Variants in CSMD2 observed in about 807,000 individuals in gnomAD.
The protein encoded by CSMD2 is CUB and sushi domain-containing protein 2.
A neutral mutation model predicts 398.5 loss-of-function variants in CSMD2; 130 were observed. That is an observed-to-expected ratio of 0.33 (90% CI 0.28 to 0.38). CSMD2 has a LOEUF of 0.38. CSMD2 is among the 10% of genes least tolerant of loss of function. The pLI, the probability that CSMD2 is intolerant of heterozygous loss-of-function variation, is 1.00. For missense variants in CSMD2, 3,829 were observed against 4,764.9 expected (o/e 0.80, Z 5.78); for synonymous variants, 1,828 against 1,908.5 (o/e 0.96, Z 1.10).
At chr1:33,980,038 C>T (rs994956580) in intron 3 of CSMD2, among the ~76,000 whole-genome samples, 1 of 152,116 alleles carries the variant, frequency 6.6e-6, no homozygotes, top group African/African-American at 2.4e-5. Flanking sequence ...GAACAAGTGT[C>T]CTGGAACCAG....
chr1:33,747,313 C>A (rs754052073), intron 13 of CSMD2, among the ~76,000 whole-genome samples: 1 of 152,162 alleles, frequency 6.6e-6, no homozygotes, highest in Non-Finnish European at 1.5e-5. Context: ...AGACGTTATT[C>A]CTGCCCAAAC....
chr1:33,519,792 G>A lies in CSMD2; in HGVS notation c.10736+20C>T. 6.2e-7 allele frequency: 1 copy of A among 1,613,422 alleles called. No individual in the cohort carries two copies. The highest frequency in any genetic ancestry group is 8.5e-7 in the Non-Finnish European group (1 of 1,179,570). On this transcript the variant is annotated intron_variant, in intron 69 of 70. Transcript: ENST00000373381. This position sits in a 1 kb window ranked among gnomAD's most constrained non-coding sequence, Gnocchi z 5.6. ...GGGAGGCCTGCCTGATGCCCGCCCTGCCTCCTTCCTGCACGGTACCTGTGC... is the reference window on the plus strand; with the variant it reads ...GGGAGGCCTGCCTGATGCCCGCCCTACCTCCTTCCTGCACGGTACCTGTGC...
chr1:33,767,254 GT>G (rs1301383160), intron 13 of CSMD2, among the ~76,000 whole-genome samples: 1 of 152,208 alleles, frequency 6.6e-6, no homozygotes, highest in Non-Finnish European at 1.5e-5. Flanking sequence ...CATAACATAT[GT>G]GTATAGATGG....
At chr1:33,562,991 G>A (rs555769468) in intron 53 of CSMD2, among the ~76,000 whole-genome samples, 9 of 152,030 alleles carry the variant, frequency 5.9e-5, no homozygotes, top group Non-Finnish European at 1.2e-4. Flanking sequence ...TATTTGTTCT[G>A]TTTCTCTGGA....
Position 33,533,590 on chromosome 1 carries a change from G to T in CSMD2, c.9991+206C>A, listed in dbSNP as rs910253615. ...CACTGGATAGTTTTTTCTTTGCTAA[G>T]GCATAGGGATTGCCTTCCAATATCA... On this transcript the variant is annotated intron_variant, in intron 63 of 70. Transcript: ENST00000373381. The surrounding 1 kb of genome is among the most constrained non-coding windows in gnomAD (Gnocchi z 4.2). Among the ~76,000 whole-genome samples, 1 of 152,202 alleles carries T rather than the reference G, an allele frequency of 6.6e-6. No individual in the cohort carries two copies. Among genetic ancestry groups the T allele is most frequent in the Non-Finnish European group, 1.5e-5 (1 of 68,030 alleles).
chr1:33,910,051 T>C (rs1318267045), intron 5 of CSMD2, among the ~76,000 whole-genome samples: 1 of 152,210 alleles, frequency 6.6e-6, no homozygotes, highest in Admixed American at 6.5e-5. Context: ...TACCCCTTCA[T>C]AGCTGCCTCA....
Position 33,542,705 on chromosome 1 carries a change from G to A in CSMD2, c.9277+15C>T, listed in dbSNP as rs111372791. The A allele has an allele frequency of 1.2e-5, 19 of 1,609,596 alleles. No individual in the cohort carries two copies. The African/African-American group carries it at 2.4e-4, about 20-fold the overall frequency. On this transcript the variant is annotated intron_variant, in intron 58 of 70. Transcript: ENST00000373381. ...CCACTGTTGGCCATGGAACCCGTAG[G>A]GCCTGAGCTCTCACCGAGGCACTCA... is the stretch of plus-strand genomic sequence containing the variant.
At chr1:33,809,381 A>G (rs1656596080) in intron 10 of CSMD2, among the ~76,000 whole-genome samples, 1 of 152,078 alleles carries the variant, frequency 6.6e-6, no homozygotes, top group African/African-American at 2.4e-5. Flanking sequence ...AATATTTGCT[A>G]TACTAAGAGA....
At chr1:34,030,576 T>C (rs1248645402) in intron 3 of CSMD2, among the ~76,000 whole-genome samples, 2 of 152,230 alleles carry the variant, frequency 1.3e-5, no homozygotes, top group Non-Finnish European at 2.9e-5. Flanking sequence ...ACAGACCTCC[T>C]GTTGCCCAAC....
chr1:34,148,632 G>C (rs145654963), intron 1 of CSMD2, among the ~76,000 whole-genome samples: 1 of 152,184 alleles, frequency 6.6e-6, no homozygotes, highest in Non-Finnish European at 1.5e-5. Context: ...CAGGACAAAG[G>C]GGCAGGAGAG....
intron 25 of CSMD2, among the ~76,000 whole-genome samples, chr1:33,666,970 G>A (rs1002623650): frequency 5.9e-5 from 9 of 152,146 alleles, no homozygotes; most frequent in Non-Finnish European, 1.3e-4. Context: ...TGCTTTCTTT[G>A]GATTTAATAA....
At chr1:33,571,230 C>A (rs1000761225) in intron 51 of CSMD2, among the ~76,000 whole-genome samples, 4 of 152,146 alleles carry the variant, frequency 2.6e-5, no homozygotes, top group African/African-American at 9.7e-5. Flanking sequence ...TATCTTCAAA[C>A]CTCTACAGTG....
rs1157125326 is a variant in CSMD2, at chr1:33,707,691, GCGCGCACACACACACACACACA to G, written c.3576+1376_3576+1397del. Among the ~76,000 whole-genome samples the G allele has an allele frequency of 6.8e-3, 388 of 56,876 alleles. 4 individuals are homozygous for G. The highest frequency in any genetic ancestry group is 0.018 in the African/African-American group (374 of 21,194). 37.3% of individuals were successfully genotyped at this position (56,876 alleles called of 152,430 possible). ...AACACGCACGCGTGCACACGCGCGC[GCGCGCACACACACACACACACA>G]CACACACACACACACACACACACAC... On this transcript the variant is annotated intron_variant, in intron 22 of 70. Coordinates refer to ENST00000373381, the MANE Select transcript of CSMD2 (RefSeq NM_001281956.2).
At chr1:34,042,849 G>A (rs1303990625) in intron 2 of CSMD2, among the ~76,000 whole-genome samples, 2 of 152,074 alleles carry the variant, frequency 1.3e-5, no homozygotes, top group African/African-American at 2.4e-5. Context: ...GTGCAGTGGC[G>A]TGATCTCGGC....
chr1:34,053,721 T>C (rs1446935373), intron 2 of CSMD2, among the ~76,000 whole-genome samples: 1 of 152,238 alleles, frequency 6.6e-6, no homozygotes, highest in African/African-American at 2.4e-5. Flanking sequence ...TGCACTATTA[T>C]CATCTTTATT....
At chr1:33,909,080 A>C (rs1220436564) in intron 5 of CSMD2, among the ~76,000 whole-genome samples, 1 of 152,212 alleles carries the variant, frequency 6.6e-6, no homozygotes, top group Non-Finnish European at 1.5e-5. Flanking sequence ...AGCTCAGCCA[A>C]CATGGGTTCA....
intron 2 of CSMD2, among the ~76,000 whole-genome samples, chr1:34,060,892 G>T (rs1253139794): frequency 6.6e-6 from 1 of 152,038 alleles, no homozygotes; most frequent in East Asian, 1.9e-4. Context: ...CCCTAGCCAT[G>T]CTTCTGCCTG....
rs533786592 is a variant in CSMD2, at chr1:33,530,805, C to A, written c.10171+2245G>T. On this transcript the variant is annotated intron_variant, in intron 64 of 70. Coordinates refer to ENST00000373381, the MANE Select transcript of CSMD2 (RefSeq NM_001281956.2). Reference sequence around the variant, plus strand: ...CTGCCATTTGTGACCACAGGGATAACCTGGAGGACATTATGTTAAGTGAAA... The same window carrying A: ...CTGCCATTTGTGACCACAGGGATAAACTGGAGGACATTATGTTAAGTGAAA... Among the ~76,000 whole-genome samples, 109 of 152,218 alleles carry A rather than the reference C, an allele frequency of 7.2e-4. 1 individual carries two copies. The highest frequency in any genetic ancestry group is 2.5e-3 in the African/African-American group (104 of 41,534).
intron 5 of CSMD2, chr1:33,861,341 A>G (rs920313232): frequency 3.9e-5 from 6 of 152,142 alleles, no homozygotes; most frequent in African/African-American, 1.4e-4. Flanking sequence ...TGGTTTAGGT[A>G]TTTTCTATGG....
Sources: allele counts gnomAD v4.1 joint callset (sites outside exome capture counted in the v4.1 genomes callset), GRCh38; gene constraint gnomAD v4.1.1; non-coding constraint Gnocchi (gnomAD v3.1); transcripts MANE v1.5; gene names NCBI Gene and HGNC (gene_info 2026-07-23, HGNC 2026-07-21).